MAPK6: variants seen among roughly 807,000 people sequenced by gnomAD.
The protein encoded by MAPK6 is ERK-3.
A neutral mutation model predicts 59.3 loss-of-function variants in MAPK6; 19 were observed. That is an observed-to-expected ratio of 0.32 (90% CI 0.22 to 0.47). The LOEUF (loss-of-function observed/expected upper bound fraction) is 0.47, where lower values mean the gene tolerates loss of function less well. Ranked by LOEUF, MAPK6 falls within the 20% of genes least tolerant of loss-of-function variation. The pLI is 1.00. For synonymous variants in MAPK6, 316 were observed against 290.3 expected (o/e 1.09, Z -0.90); for missense variants, 724 against 847.9 (o/e 0.85, Z 1.81).
intron 1 of MAPK6, among the ~76,000 whole-genome samples, chr15:51,972,283 C>CAT (rs2057133384): frequency 6.6e-6 from 1 of 152,062 alleles, no homozygotes; most frequent in Admixed American, 6.5e-5. Context: ...GGACGACAGG[C>CAT]GCCCGCCACC....
intron 1 of MAPK6, among the ~76,000 whole-genome samples, chr15:52,042,329 C>T (rs531165355): frequency 6.6e-6 from 1 of 152,326 alleles, no homozygotes; most frequent in African/African-American, 2.4e-5. Context: ...TTTATAAATA[C>T]TACCTTCTCT....
chr15:51,989,326 G>A (rs943646853), intron 2 of MAPK6, among the ~76,000 whole-genome samples: 7 of 151,748 alleles, frequency 4.6e-5, no homozygotes, highest in Non-Finnish European at 7.4e-5. Flanking sequence ...TGATCCGCCC[G>A]CCTCAGCCTC....
intron 2 of MAPK6, among the ~76,000 whole-genome samples, chr15:52,047,525 T>C (rs1230572223): frequency 1.3e-5 from 2 of 152,132 alleles, no homozygotes; most frequent in East Asian, 3.9e-4. Flanking sequence ...TTTTTGTATT[T>C]TTAGTAGACA....
At chr15:52,050,863 C>T (rs2031755642) in intron 3 of MAPK6, among the ~76,000 whole-genome samples, 1 of 151,378 alleles carries the variant, frequency 6.6e-6, no homozygotes. Context: ...TGCAAGTTGT[C>T]AAATAATAAT....
At chr15:52,037,903 A>G (rs913741402) in intron 1 of MAPK6, among the ~76,000 whole-genome samples, 11 of 152,206 alleles carry the variant, frequency 7.2e-5, no homozygotes, top group African/African-American at 2.2e-4. Flanking sequence ...AAATGTCCCC[A>G]AAGCTACTTA....
Position 52,038,477 on chromosome 15 carries a change from C to T in MAPK6, c.-631-7353C>T, listed in dbSNP as rs145573566. On this transcript the variant is annotated intron_variant, in intron 1 of 5. Transcript: ENST00000261845. ...GAGATAGTCTTACTTTTCTCTGCTA[C>T]ATTGCATGTAATTGGTAGAGATGGT... Among the ~76,000 whole-genome samples, 31 of 152,290 alleles carry T rather than the reference C, an allele frequency of 2.0e-4. No homozygotes were observed. In the East Asian group the frequency reaches 5.6e-3, roughly 27 times the overall value.
In MAPK6 at chr15:52,045,908, A is replaced by C. The variant is rs545379477; in HGVS notation, c.-553A>C. On this transcript the variant is annotated 5_prime_UTR_variant, in exon 2 of 6. Transcript: ENST00000261845. ...AGCCACCTGATCACTAACAAAAGAC[A>C]TCTTCTGTTAACCAACAGCCGCCAG... The C allele has an allele frequency of 6.5e-6, 1 of 153,234 alleles. No homozygotes were observed. Among genetic ancestry groups the C allele is most frequent in the Non-Finnish European group, 1.5e-5 (1 of 68,384 alleles). The allele number at this position is 153,234 out of a possible 1,614,324, so 9.5% of individuals were successfully genotyped here. A position where few individuals can be genotyped will look rare whatever the true frequency, so the allele number is the denominator to read the frequency against.
chr15:52,041,324 G>A (rs1433153128), intron 1 of MAPK6, among the ~76,000 whole-genome samples: 1 of 152,104 alleles, frequency 6.6e-6, no homozygotes, highest in Non-Finnish European at 1.5e-5. Context: ...AGCCTCTGGA[G>A]TAGCTGGGAT....
chr15:51,998,002 G>A (rs2057230559), intron 2 of MAPK6, among the ~76,000 whole-genome samples: 1 of 149,966 alleles, frequency 6.7e-6, no homozygotes, highest in Admixed American at 6.6e-5. Flanking sequence ...GGAGTGCAGT[G>A]GCATGATCTC....
chr15:52,023,943 A>G (rs890342497), intron 1 of MAPK6, among the ~76,000 whole-genome samples: 1 of 152,184 alleles, frequency 6.6e-6, no homozygotes, highest in Admixed American at 6.6e-5. Flanking sequence ...TCTTTTATAC[A>G]TGTCAGTCTT....
intron 1 of MAPK6, among the ~76,000 whole-genome samples, chr15:51,979,456 G>A (rs2057166629): frequency 6.6e-6 from 1 of 151,700 alleles, no homozygotes; most frequent in Non-Finnish European, 1.5e-5. Context: ...GTAAGGAGGA[G>A]GAAAAAACAT....
intron 2 of MAPK6, among the ~76,000 whole-genome samples, chr15:51,996,489 G>A (rs2057224542): frequency 6.6e-6 from 1 of 152,048 alleles, no homozygotes; most frequent in African/African-American, 2.4e-5. Context: ...TCCACCTCTT[G>A]GATTCAAGTG....
At chr15:52,049,299 A>C (rs1323731837) in intron 2 of MAPK6, among the ~76,000 whole-genome samples, 1 of 151,906 alleles carries the variant, frequency 6.6e-6, no homozygotes, top group Admixed American at 6.6e-5. Flanking sequence ...ACTGAGTGTA[A>C]ACCAGCTCGT....
chr15:52,057,558 CAA>C (rs11322169), intron 3 of MAPK6, among the ~76,000 whole-genome samples: 1,866 of 148,848 alleles, frequency 0.013, 31 homozygotes, highest in East Asian at 0.076. Flanking sequence ...TCCTTTGTCT[CAA>C]AAAAAAAAAA....
At chr15:51,986,156 A>G (rs1037929377) in intron 2 of MAPK6, among the ~76,000 whole-genome samples, 1 of 152,168 alleles carries the variant, frequency 6.6e-6, no homozygotes, top group South Asian at 2.1e-4. Context: ...AAGCCGAAAA[A>G]GTGAAGGGGG....
chr15:52,029,098 C>A (rs918683799), intron 1 of MAPK6, among the ~76,000 whole-genome samples: 1 of 152,154 alleles, frequency 6.6e-6, no homozygotes, highest in African/African-American at 2.4e-5. Context: ...AGTGCAGTGG[C>A]GCAATATTGG....
chr15:52,005,547 A>T (rs1483750212), intron 3 of MAPK6, among the ~76,000 whole-genome samples: 2 of 151,414 alleles, frequency 1.3e-5, no homozygotes, highest in Non-Finnish European at 2.9e-5. Flanking sequence ...AAAGAGAGAG[A>T]GAGATCTGGC....
At chr15:52,014,675 C>G (rs1477855976), upstream of MAPK6, among the ~76,000 whole-genome samples, 1 of 145,448 alleles carries the variant, frequency 6.9e-6, no homozygotes, top group Non-Finnish European at 1.5e-5. Flanking sequence ...CCACTGCACT[C>G]CAGCCTGGGC....
chr15:51,990,747 G>A (rs933439652), intron 2 of MAPK6, among the ~76,000 whole-genome samples: 3 of 152,182 alleles, frequency 2.0e-5, no homozygotes, highest in East Asian at 3.9e-4. Context: ...TCGGGAGATC[G>A]AGACCATTCT....
Sources: gnomAD v4.1 joint callset for allele counts (sites outside exome capture counted in the v4.1 genomes callset) on GRCh38, gnomAD v4.1.1 for gene constraint, MANE v1.5 for transcripts, NCBI Gene and HGNC (gene_info 2026-07-23, HGNC 2026-07-21) for gene names.